The following COMMD9 variants were observed in gnomAD, a reference collection of about 807,000 sequenced individuals.
The protein encoded by COMMD9 is COMM domain containing 9, also known as COMM domain-containing protein 9.
COMMD9 carries 22 observed loss-of-function variants against 23.4 expected under a neutral mutation model. That is an observed-to-expected ratio of 0.94 (90% CI 0.67 to 1.34). COMMD9 has a LOEUF of 1.34. COMMD9 is among the 40% of genes most tolerant of loss of function. COMMD9 has a pLI of 0.00. For missense variants in COMMD9, 231 were observed against 240.2 expected (o/e 0.96, Z 0.25); for synonymous variants, 99 against 97.4 (o/e 1.02, Z -0.10).
rs995874914 is a variant in COMMD9, at chr11:36,276,916, T to C, written c.352+173A>G. On this transcript the variant is annotated intron_variant, in intron 4 of 5. Transcript: ENST00000263401. ...CATGCCTATATAATAATGTTTATAA[T>C]CAGAAAAAAGTTAAAAAGTAGAATT... 2.8e-5 allele frequency: 12 copies of C among 430,382 alleles called. No individual in the cohort carries two copies. The Middle Eastern group carries it at 1.8e-3, about 66-fold the overall frequency. The allele number at this position is 430,382 out of a possible 1,614,324, so 26.7% of individuals were successfully genotyped here. A position where few individuals can be genotyped will look rare whatever the true frequency, so the allele number is the denominator to read the frequency against.
At chr11:36,275,065 G>A (rs1293642334) in intron 5 of COMMD9, among the ~76,000 whole-genome samples, 1 of 152,192 alleles carries the variant, frequency 6.6e-6, no homozygotes, top group Non-Finnish European at 1.5e-5. Context: ...CAGCATTCAA[G>A]CAAGAAAACA....
chr11:36,273,120 A>T lies in COMMD9; in HGVS notation c.*1512T>A, dbSNP rs961232091. On this transcript the variant is annotated 3_prime_UTR_variant, in exon 6 of 6. Coordinates refer to ENST00000263401, the MANE Select transcript of COMMD9 (RefSeq NM_014186.4). ...TTATACTCATTTAATTTAGGAAAAAAGTACAAAGTGGGTGAAAATTGAGAT... is the reference window on the plus strand; with the variant it reads ...TTATACTCATTTAATTTAGGAAAAATGTACAAAGTGGGTGAAAATTGAGAT... 6.6e-6 allele frequency: 1 copy of T among 152,208 alleles called. No homozygotes were observed. The highest frequency in any genetic ancestry group is 1.9e-4 in the East Asian group (1 of 5,198). 9.4% of individuals were successfully genotyped at this position (152,208 alleles called of 1,614,324 possible).
intron 3 of COMMD9, 88 bp downstream of exon 3, chr11:36,278,389 C>A: frequency 1.5e-5 from 19 of 1,260,954 alleles, no homozygotes; most frequent in Non-Finnish European, 2.2e-5. Context: ...AAGTTTTCAA[C>A]AATGAGCATA....
At chr11:36,288,809 T>G (rs1348643978) in intron 1 of COMMD9, among the ~76,000 whole-genome samples, 1 of 152,100 alleles carries the variant, frequency 6.6e-6, no homozygotes, top group Admixed American at 6.6e-5. Context: ...CAAATAATAA[T>G]AATACTTCAT....
chr11:36,278,453 G>A, intron 3 of COMMD9, 24 bp downstream of exon 3: 1 of 1,590,570 alleles, frequency 6.3e-7, no homozygotes, highest in South Asian at 1.1e-5. Context: ...AGTTAGAAGG[G>A]ACTTTCAAGA....
chr11:36,275,350 C>A (rs1317384009), intron 5 of COMMD9, among the ~76,000 whole-genome samples: 1 of 152,054 alleles, frequency 6.6e-6, no homozygotes, highest in East Asian at 1.9e-4. Flanking sequence ...TAAAAAGATT[C>A]CTGAAAATAA....
At chr11:36,276,034 TA>T (rs145255526) in intron 5 of COMMD9, 102 bp downstream of exon 5, 4 of 788,774 alleles carry the variant, frequency 5.1e-6, no homozygotes, top group Non-Finnish European at 6.4e-6. Context: ...GATGGTAATT[TA>T]AAAAAATATA....
intron 5 of COMMD9, 135 bp downstream of exon 5, chr11:36,276,002 C>T (rs1001667241): frequency 7.8e-6 from 5 of 638,674 alleles, no homozygotes; most frequent in African/African-American, 1.8e-5. Context: ...CACGTTGTAA[C>T]TAAACAAAGG....
intron 3 of COMMD9, among the ~76,000 whole-genome samples, chr11:36,277,665 G>A (rs902940038): frequency 1.3e-4 from 19 of 151,962 alleles, no homozygotes; most frequent in African/African-American, 4.6e-4. Context: ...AATCAATTCT[G>A]CTTAAAATGT....
At chr11:36,277,208 T>G in intron 3 of COMMD9, 85 bp from the exon 4 acceptor site, 1 of 978,936 alleles carries the variant, frequency 1.0e-6, no homozygotes. Context: ...TGGCCCTTCC[T>G]GTGATCTTCA....
rs1855930195 is a variant in COMMD9, at chr11:36,274,257, G to A, written c.*375C>T. On this transcript the variant is annotated 3_prime_UTR_variant, in exon 6 of 6. Coordinates refer to ENST00000263401, the MANE Select transcript of COMMD9 (RefSeq NM_014186.4). ...TGGAAATGAACTAATTAGAGCTAAT[G>A]TTGGAAATAAACTTACTTATTGGAT... 6.3e-6 allele frequency: 3 copies of A among 474,326 alleles called. No homozygotes were observed. The highest frequency in any genetic ancestry group is 1.3e-5 in the Non-Finnish European group (3 of 239,356). 29.4% of individuals were successfully genotyped at this position (474,326 alleles called of 1,614,324 possible).
Position 36,274,538 on chromosome 11 carries a change from G to T in COMMD9, c.*94C>A. On this transcript the variant is annotated 3_prime_UTR_variant, in exon 6 of 6. Coordinates refer to ENST00000263401, the MANE Select transcript of COMMD9 (RefSeq NM_014186.4). ...TGCTGTCCCCACCATCCTGCCTGTT[G>T]TCAGCTGCAGCTGCAAGGGCAGCCT... The T allele has an allele frequency of 6.6e-7, 1 of 1,510,940 alleles. No homozygotes were observed. The highest frequency in any genetic ancestry group is 9.1e-7 in the Non-Finnish European group (1 of 1,099,834). The allele number at this position is 1,510,940 out of a possible 1,614,324, so 93.6% of individuals were successfully genotyped here. A position where few individuals can be genotyped will look rare whatever the true frequency, so the allele number is the denominator to read the frequency against.
At chr11:36,275,269 T>C (rs748974555) in intron 5 of COMMD9, among the ~76,000 whole-genome samples, 1 of 152,222 alleles carries the variant, frequency 6.6e-6, no homozygotes, top group Non-Finnish European at 1.5e-5. Context: ...TTTCTGGGTG[T>C]CTGGTTATGT....
chr11:36,289,235 G>T, intron 1 of COMMD9, 127 bp downstream of exon 1: 2 of 802,430 alleles, frequency 2.5e-6, no homozygotes, highest in Non-Finnish European at 3.8e-6. Context: ...ATTTGCCTGG[G>T]ATCACACAGA....
At position 36,276,739 on chromosome 11, in the gene COMMD9, G is replaced by T. The variant is rs116486587; in HGVS notation, c.352+350C>A. On this transcript the variant is annotated intron_variant, in intron 4 of 5. Coordinates refer to ENST00000263401, the MANE Select transcript of COMMD9 (RefSeq NM_014186.4). ...GATTAACTGCTCCAGCACTGTGGCT[G>T]GCTCAGAGTTACTGTAATGACCATT... 5.1e-3 allele frequency: 1,091 copies of T among 212,042 alleles called. 20 individuals are homozygous for T. The highest frequency in any genetic ancestry group is 0.024 in the African/African-American group (1,031 of 43,660). 13.1% of individuals were successfully genotyped at this position (212,042 alleles called of 1,614,324 possible).
chr11:36,287,882 G>T (rs1024360930), intron 1 of COMMD9, among the ~76,000 whole-genome samples: 8 of 152,146 alleles, frequency 5.3e-5, no homozygotes, highest in Admixed American at 3.9e-4. Context: ...TTTGACTTTG[G>T]TGGTGGTTAC....
rs575448706 is a variant in COMMD9 at position 36,286,698 on chromosome 11, A to G, written c.51+2664T>C. Among the ~76,000 whole-genome samples, 18 of 152,328 alleles carry G rather than the reference A, an allele frequency of 1.2e-4. No individual in the cohort carries two copies. In the South Asian group the frequency reaches 2.5e-3, roughly 21 times the overall value. ...TGCATGCTGAAAACTACACAGTACA[A>G]CACTGTTGGACAATCATTACATGGA... On this transcript the variant is annotated intron_variant, in intron 1 of 5. Transcript: ENST00000263401.
At chr11:36,276,340 T>C (rs1201115584) in intron 4 of COMMD9, 100 bp from the exon 5 acceptor site, 2 of 776,898 alleles carry the variant, frequency 2.6e-6, no homozygotes, top group East Asian at 2.5e-5. Context: ...ATGCAATGCA[T>C]TGGTCTATGC....
At chr11:36,276,280 G>A (rs537717308) in intron 4 of COMMD9, 40 bp from the exon 5 acceptor site, 16 of 1,421,844 alleles carry the variant, frequency 1.1e-5, no homozygotes, top group South Asian at 3.4e-5. Context: ...CATGCCGCCC[G>A]TGTTTACCAA....
Sources: allele counts gnomAD v4.1 joint callset (sites outside exome capture counted in the v4.1 genomes callset), GRCh38; gene constraint gnomAD v4.1.1; transcripts MANE v1.5; gene names NCBI Gene and HGNC (gene_info 2026-07-23, HGNC 2026-07-21).